The following PIK3C2G variants were observed in gnomAD, a reference collection of about 807,000 sequenced individuals.
PIK3C2G encodes phosphatidylinositol-4-phosphate 3-kinase catalytic subunit type 2 gamma.
In PIK3C2G, 168 loss-of-function variants were observed where a neutral mutation model predicts 181.1. The observed-to-expected ratio is 0.93, with a 90% confidence interval of 0.82 to 1.05. The LOEUF is 1.05. PIK3C2G is among the 50% of genes least tolerant of loss of function. PIK3C2G has a pLI of 0.00. For synonymous variants in PIK3C2G, 573 were observed against 592.2 expected (o/e 0.97, Z 0.47); for missense variants, 1,869 against 1,732.8 (o/e 1.08, Z -1.40).
chr12:18,664,392 A>G, the PIK3C2G span, among the ~76,000 whole-genome samples: 1 of 152,216 alleles, frequency 6.6e-6, no homozygotes, highest in Non-Finnish European at 1.5e-5. Flanking sequence ...ACATAAATGG[A>G]TAAGGAAACT....
upstream of PIK3C2G, among the ~76,000 whole-genome samples, chr12:18,257,780 G>T (rs919921517): frequency 2.1e-5 from 3 of 143,688 alleles, no homozygotes; most frequent in African/African-American, 7.7e-5. Context: ...AGAAGAAAAA[G>T]AAAGAAAGAG....
chr12:18,561,405 G>A (rs76341388), intron 26 of PIK3C2G, among the ~76,000 whole-genome samples: 2,061 of 152,266 alleles, frequency 0.014, 50 homozygotes, highest in African/African-American at 0.046. Context: ...TTTGAGCCTA[G>A]GATTCAGAGG....
chr12:18,430,987 A>G (rs1284466975), intron 18 of PIK3C2G, among the ~76,000 whole-genome samples: 1 of 152,042 alleles, frequency 6.6e-6, no homozygotes, highest in African/African-American at 2.4e-5. Flanking sequence ...TTTATCTAAA[A>G]TTTTGGGGGC....
At chr12:18,433,545 A>G (rs1161275841) in intron 18 of PIK3C2G, among the ~76,000 whole-genome samples, 6 of 152,136 alleles carry the variant, frequency 3.9e-5, no homozygotes, top group Admixed American at 3.9e-4. Flanking sequence ...AAATAAATAA[A>G]AATAAAACAT....
intron 8 of PIK3C2G, among the ~76,000 whole-genome samples, chr12:18,334,869 G>A (rs1356948749): frequency 6.6e-6 from 1 of 152,008 alleles, no homozygotes; most frequent in Non-Finnish European, 1.5e-5. Flanking sequence ...GCATGCATTT[G>A]TATATGTATG....
At chr12:18,371,436 A>C (rs1942055145) in intron 13 of PIK3C2G, 125 bp downstream of exon 13, 1 of 780,512 alleles carries the variant, frequency 1.3e-6, no homozygotes, top group African/African-American at 1.8e-5. Flanking sequence ...GACATAGTTC[A>C]ATATAAATCG....
intron 26 of PIK3C2G, among the ~76,000 whole-genome samples, chr12:18,551,647 AAAC>A (rs1473517892): frequency 3.3e-5 from 5 of 152,126 alleles, no homozygotes; most frequent in South Asian, 2.1e-4. Context: ...ACCCAAAACA[AAAC>A]AACAAGACAA....
rs533770063 is a variant in PIK3C2G at position 18,310,668 on chromosome 12, T to TA, written c.1035-3289dup. 2.4e-3 allele frequency among the ~76,000 whole-genome samples: 365 copies of TA among 151,618 alleles called. 1 individual carries two copies. The highest frequency in any genetic ancestry group is 8.4e-3 in the African/African-American group (349 of 41,412). On this transcript the variant is annotated intron_variant, in intron 5 of 32. Coordinates refer to ENST00000538779, the MANE Select transcript of PIK3C2G (RefSeq NM_001288772.2). Reference sequence around the variant, plus strand: ...TTTAAAAAAGGTGACCACCAGAAAGTAAAAATATGTTTATGAATGTCAAGG... The same window carrying TA: ...TTTAAAAAAGGTGACCACCAGAAAGTAAAAAATATGTTTATGAATGTCAAGG...
At chr12:18,630,915 T>C (rs191217130) in intron 31 of PIK3C2G, among the ~76,000 whole-genome samples, 1,582 of 152,236 alleles carry the variant, frequency 0.01, 19 homozygotes, top group Non-Finnish European at 0.016. Flanking sequence ...CTGAGAATTC[T>C]GTATCTCTAA....
At chr12:18,699,821 G>C in the PIK3C2G span, 1 of 1,613,402 alleles carries the variant, frequency 6.2e-7, no homozygotes, top group East Asian at 2.2e-5. Flanking sequence ...TTTCGGGCTT[G>C]TGTCTCCCCA....
intron 5 of PIK3C2G, among the ~76,000 whole-genome samples, chr12:18,298,904 C>G (rs1950059959): frequency 6.6e-6 from 1 of 151,622 alleles, no homozygotes; most frequent in Non-Finnish European, 1.5e-5. Context: ...TTCCATTAGC[C>G]TATGTGTTTG....
chr12:18,359,423 A>G (rs1479568323), intron 11 of PIK3C2G, among the ~76,000 whole-genome samples: 2 of 152,126 alleles, frequency 1.3e-5, no homozygotes, highest in East Asian at 3.9e-4. Context: ...GCTGAGTGGA[A>G]TGTTCTGTAT....
At chr12:18,310,135 A>C (rs1950579642) in intron 5 of PIK3C2G, among the ~76,000 whole-genome samples, 1 of 151,906 alleles carries the variant, frequency 6.6e-6, no homozygotes, top group Non-Finnish European at 1.5e-5. Flanking sequence ...CTTAGACTAG[A>C]AAAATAATTA....
chr12:18,682,841 G>A, the PIK3C2G span, among the ~76,000 whole-genome samples: 7 of 152,078 alleles, frequency 4.6e-5, no homozygotes, highest in African/African-American at 1.4e-4. Context: ...ACAAAAATAC[G>A]CAGTAGTGGG....
chr12:18,317,011 C>CTTTT (rs756099726), intron 6 of PIK3C2G, among the ~76,000 whole-genome samples: 20 of 117,180 alleles, frequency 1.7e-4, no homozygotes, highest in African/African-American at 5.8e-4. Context: ...AGTCTTGATT[C>CTTTT]TTTTTTTTTT....
chr12:18,515,792 T>A (rs1330203897), intron 24 of PIK3C2G, among the ~76,000 whole-genome samples: 1 of 152,022 alleles, frequency 6.6e-6, no homozygotes, highest in African/African-American at 2.4e-5. Flanking sequence ...TTCCATGAGG[T>A]ATAACTTTAG....
the PIK3C2G span, chr12:18,683,507 C>A: frequency 6.7e-7 from 1 of 1,500,584 alleles, no homozygotes. Context: ...TCTATTCTGA[C>A]TTCCTAACTG....
At chr12:18,672,019 C>T in the PIK3C2G span, among the ~76,000 whole-genome samples, 2 of 152,144 alleles carry the variant, frequency 1.3e-5, no homozygotes, top group Admixed American at 6.5e-5. Context: ...TAGTCACCCA[C>T]CAAAGGCCCC....
chr12:18,380,432 C>T (rs533370772), intron 13 of PIK3C2G, among the ~76,000 whole-genome samples: 1 of 152,310 alleles, frequency 6.6e-6, no homozygotes, highest in East Asian at 1.9e-4. Context: ...TTCTGCCTAA[C>T]ACTAATCCAA....
Sources: allele counts gnomAD v4.1 joint callset (sites outside exome capture counted in the v4.1 genomes callset), GRCh38; gene constraint gnomAD v4.1.1; transcripts MANE v1.5; gene names NCBI Gene and HGNC (gene_info 2026-07-23, HGNC 2026-07-21).